NAALADL2: variants seen among roughly 807,000 people sequenced by gnomAD.
The protein encoded by NAALADL2 is inactive N-acetylated-alpha-linked acidic dipeptidase-like protein 2.
In NAALADL2, 76 loss-of-function variants were observed where a neutral mutation model predicts 87.2. The ratio of observed to expected loss-of-function variants is 0.87; its 90% CI spans 0.72 to 1.05. The LOEUF (loss-of-function observed/expected upper bound fraction) is 1.05, where lower values mean the gene tolerates loss of function less well. NAALADL2 is among the 50% of genes least tolerant of loss of function. The probability of loss-of-function intolerance (pLI) is 0.00; values close to 1 mark genes in which losing one functional copy is unlikely to be tolerated. For synonymous variants in NAALADL2, 354 were observed against 331.0 expected, an observed-to-expected ratio of 1.07 and a Z score of -0.75; for missense variants, 1,089 against 945.8, an observed-to-expected ratio of 1.15 and a Z score of -1.99.
Position 175,788,611 on chromosome 3 carries a change from A to G in NAALADL2, c.2190-14394A>G, listed in dbSNP as rs75659325. On this transcript the variant is annotated intron_variant, in intron 13 of 13. Coordinates refer to ENST00000454872, the MANE Select transcript of NAALADL2 (RefSeq NM_207015.3). ...TGTTTGGGTAAGTACATGCCATCACATGTTTGCACAATAATGAAATCATAT... is the reference window on the plus strand; with the variant it reads ...TGTTTGGGTAAGTACATGCCATCACGTGTTTGCACAATAATGAAATCATAT... Among the ~76,000 whole-genome samples the G allele has an allele frequency of 3.4e-3, 515 of 152,298 alleles. 2 individuals are homozygous for G. Among genetic ancestry groups the G allele is most frequent in the African/African-American group, 0.012 (486 of 41,552 alleles).
chr3:174,923,835 G>A lies in NAALADL2; in HGVS notation c.43+64385G>A, dbSNP rs1164101780. On this transcript the variant is annotated intron_variant, in intron 1 of 13. Transcript: ENST00000454872. ...GTTTTGCTGGTATGGCACTGTAGAG[G>A]TAGAATACAGAACCTCAATTTGTGA... is the stretch of plus-strand genomic sequence containing the variant. Among the ~76,000 whole-genome samples the A allele has an allele frequency of 2.0e-5, 3 of 152,144 alleles. No individual in the cohort carries two copies. The East Asian group carries it at 5.8e-4, about 29-fold the overall frequency.
At chr3:175,765,603 T>C (rs1244041423) in intron 13 of NAALADL2, among the ~76,000 whole-genome samples, 1 of 152,162 alleles carries the variant, frequency 6.6e-6, no homozygotes, top group Non-Finnish European at 1.5e-5. Context: ...GTTTGGATTT[T>C]ATAAAAATGT....
At chr3:175,516,016 T>C (rs755694879) in intron 9 of NAALADL2, among the ~76,000 whole-genome samples, 1 of 152,216 alleles carries the variant, frequency 6.6e-6, no homozygotes, top group East Asian at 1.9e-4. Context: ...GTATAGTCTT[T>C]AGGGAAAACG....
intron 1 of NAALADL2, among the ~76,000 whole-genome samples, chr3:174,988,121 C>T (rs906105215): frequency 6.6e-6 from 1 of 151,984 alleles, no homozygotes; most frequent in African/African-American, 2.4e-5. Flanking sequence ...TGGAGATCAG[C>T]AGTTAAGACA....
chr3:175,290,230 T>A (rs1406603484), intron 4 of NAALADL2, among the ~76,000 whole-genome samples: 2 of 152,202 alleles, frequency 1.3e-5, no homozygotes, highest in Non-Finnish European at 2.9e-5. Flanking sequence ...ACATAGCAGC[T>A]TATTCATAAA....
intron 3 of NAALADL2, among the ~76,000 whole-genome samples, chr3:174,770,287 G>A (rs1158402776): frequency 1.3e-5 from 2 of 152,166 alleles, no homozygotes; most frequent in East Asian, 1.9e-4. Flanking sequence ...TCTAATAGGT[G>A]ACAAAAGTGA....
chr3:175,239,949 A>G (rs1433050146), intron 3 of NAALADL2, among the ~76,000 whole-genome samples: 4 of 152,226 alleles, frequency 2.6e-5, no homozygotes, highest in African/African-American at 7.2e-5. Context: ...AAAAGTCGAC[A>G]CATTTAAATG....
At chr3:175,226,357 C>T (rs553583000) in intron 2 of NAALADL2, among the ~76,000 whole-genome samples, 7 of 152,180 alleles carry the variant, frequency 4.6e-5, no homozygotes, top group African/African-American at 1.7e-4. Flanking sequence ...TTCTCATGAG[C>T]ATAAAGATTT....
chr3:174,968,896 A>G (rs1743237302), intron 1 of NAALADL2, among the ~76,000 whole-genome samples: 1 of 152,200 alleles, frequency 6.6e-6, no homozygotes, highest in African/African-American at 2.4e-5. Flanking sequence ...GTTTTTAAAT[A>G]AGGAAAGAAA....
rs115836580 is a variant in NAALADL2, at chr3:175,610,677, G to C, written c.1801-16614G>C. Among the ~76,000 whole-genome samples the C allele has an allele frequency of 8.2e-3, 1,250 of 152,158 alleles. 16 individuals are homozygous for C. Among genetic ancestry groups the C allele is most frequent in the African/African-American group, 0.028 (1,182 of 41,522 alleles). On this transcript the variant is annotated intron_variant, in intron 10 of 13. Transcript: ENST00000454872. ...CCTTTTGTGTGGAATTTTTGATCAT[G>C]TGTGTTTCTGATAAAGATTCAGAGA...
At chr3:175,059,454 C>G (rs76753573) in intron 1 of NAALADL2, 18,845 of 179,122 alleles carry the variant, frequency 0.11, 1,135 homozygotes, top group East Asian at 0.2. Flanking sequence ...TTATCATCTT[C>G]AGTTACACAC....
chr3:175,328,396 A>C (rs1761000538), intron 5 of NAALADL2, among the ~76,000 whole-genome samples: 1 of 151,984 alleles, frequency 6.6e-6, no homozygotes. Context: ...CTAAAGATTA[A>C]ATTGAATGTA....
At chr3:174,553,411 T>C (rs1317629787) in intron 2 of NAALADL2, among the ~76,000 whole-genome samples, 1 of 152,172 alleles carries the variant, frequency 6.6e-6, no homozygotes, top group Non-Finnish European at 1.5e-5. Context: ...TATGCAAAAC[T>C]GCATTTTTGT....
intron 3 of NAALADL2, among the ~76,000 whole-genome samples, chr3:174,751,371 A>G (rs1380641451): frequency 6.6e-6 from 1 of 152,156 alleles, no homozygotes; most frequent in Admixed American, 6.5e-5. Context: ...TTAATATCAT[A>G]AAAGTTTATG....
chr3:174,739,844 T>G (rs548316476), intron 3 of NAALADL2, among the ~76,000 whole-genome samples: 27 of 152,178 alleles, frequency 1.8e-4, no homozygotes, highest in African/African-American at 6.5e-4. Context: ...CATCTTGTAT[T>G]AGCAAAAAGT....
chr3:174,786,200 C>T (rs1328944884), intron 3 of NAALADL2, among the ~76,000 whole-genome samples: 1 of 152,102 alleles, frequency 6.6e-6, no homozygotes, highest in Non-Finnish European at 1.5e-5. Flanking sequence ...CCTGTAATCA[C>T]AGCACTTTGG....
chr3:174,796,152 G>A (rs1269877034), intron 3 of NAALADL2, among the ~76,000 whole-genome samples: 1 of 152,246 alleles, frequency 6.6e-6, no homozygotes, highest in Non-Finnish European at 1.5e-5. Flanking sequence ...CGGCATGTGA[G>A]GACACAAGAG....
At chr3:175,173,574 C>T (rs1735207040) in intron 2 of NAALADL2, among the ~76,000 whole-genome samples, 1 of 152,134 alleles carries the variant, frequency 6.6e-6, no homozygotes, top group South Asian at 2.1e-4. Context: ...TAAATATGAA[C>T]CTTTATTTAT....
intron 2 of NAALADL2, among the ~76,000 whole-genome samples, chr3:174,593,949 G>A (rs1717634105): frequency 6.6e-6 from 1 of 152,174 alleles, no homozygotes; most frequent in Non-Finnish European, 1.5e-5. Flanking sequence ...AGCATGTTAA[G>A]TGGTCATTGC....
Sources: allele counts gnomAD v4.1 joint callset (sites outside exome capture counted in the v4.1 genomes callset), GRCh38; gene constraint gnomAD v4.1.1; transcripts MANE v1.5; gene names NCBI Gene and HGNC (gene_info 2026-07-23, HGNC 2026-07-21).